Variants in IL1RAPL1 observed in about 807,000 individuals in gnomAD.
The protein encoded by IL1RAPL1 is interleukin-1 receptor accessory protein-like 1.
Under a neutral mutation model 48.4 loss-of-function variants are expected in IL1RAPL1, and 3 were observed. That is an observed-to-expected ratio of 0.06 (90% confidence interval 0.03 to 0.16). The LOEUF (loss-of-function observed/expected upper bound fraction) is 0.16, where lower values mean the gene tolerates loss of function less well. Among genes scored for constraint, IL1RAPL1 ranks in the 10% least tolerant of loss-of-function variants. IL1RAPL1 has a pLI of 1.00. For missense variants in IL1RAPL1, 349 were observed against 530.6 expected, an observed-to-expected ratio of 0.66 and a Z score of 3.36; for synonymous variants, 185 against 187.7, an observed-to-expected ratio of 0.99 and a Z score of 0.12.
At chrX:29,631,344 C>T (rs2147079546) in intron 5 of IL1RAPL1, among the ~76,000 whole-genome samples, 1 of 112,026 alleles carries the variant, frequency 8.9e-6, no homozygotes, top group African/African-American at 3.2e-5. Flanking sequence ...AATTAGGATT[C>T]ACTGCGGCCT....
chrX:29,437,312 G>T (rs1283097862), intron 5 of IL1RAPL1, among the ~76,000 whole-genome samples: 1 of 110,693 alleles, frequency 9.0e-6, no homozygotes, highest in Admixed American at 9.7e-5. Flanking sequence ...TCCAATATAT[G>T]TGAGCCTCTG....
rs4481781 is a variant in IL1RAPL1, at chrX:29,568,315, A to G, written c.704-100115A>G. 6.1e-3 allele frequency among the ~76,000 whole-genome samples: 519 copies of G among 85,191 alleles called. 65 individuals are homozygous for G. The highest frequency in any genetic ancestry group is 0.029 in the African/African-American group (448 of 15,670). 74.0% of individuals were successfully genotyped at this position (85,191 alleles called of 115,157 possible). ...GAATAACAGATTATTCTTGATTTAA[A>G]GATCAAGAATAACAGATTATTCATT... On this transcript the variant is annotated intron_variant, in intron 5 of 10. Transcript: ENST00000378993.
intron 2 of IL1RAPL1, among the ~76,000 whole-genome samples, chrX:29,078,296 CA>C (rs201738589): frequency 0.042 from 4,625 of 110,422 alleles, 98 homozygotes; most frequent in Middle Eastern, 0.074. Flanking sequence ...CAAAACAAAA[CA>C]AAAAAAACAA....
chrX:29,135,659 C>T (rs1929109881), intron 2 of IL1RAPL1, among the ~76,000 whole-genome samples: 1 of 112,033 alleles, frequency 8.9e-6, no homozygotes, highest in Non-Finnish European at 1.9e-5. Context: ...TTTTAAATAT[C>T]CTGCAGCAGC....
At chrX:29,204,131 C>G (rs1365168402) in intron 2 of IL1RAPL1, among the ~76,000 whole-genome samples, 1 of 111,552 alleles carries the variant, frequency 9.0e-6, no homozygotes, top group East Asian at 2.8e-4. Flanking sequence ...TTGATAGACA[C>G]TTAGGTAGAT....
intron 2 of IL1RAPL1, among the ~76,000 whole-genome samples, chrX:28,943,505 TGAG>T (rs1206250298): frequency 9.1e-6 from 1 of 109,907 alleles, no homozygotes; most frequent in African/African-American, 3.3e-5. Context: ...TATGCTGTGA[TGAG>T]GAGTAGGATG....
intron 2 of IL1RAPL1, among the ~76,000 whole-genome samples, chrX:28,966,376 C>T (rs951422210): frequency 1.8e-5 from 2 of 111,959 alleles, no homozygotes; most frequent in African/African-American, 6.5e-5. Context: ...ATTCAGATGT[C>T]ATCTACAACA....
chrX:29,590,739 T>C (rs765391396), intron 5 of IL1RAPL1, among the ~76,000 whole-genome samples: 2 of 111,684 alleles, frequency 1.8e-5, no homozygotes, highest in African/African-American at 6.5e-5. Flanking sequence ...TGGCTCCTTA[T>C]AGAAGTCACA....
chrX:28,660,086 G>GGTGTGTGTGTGTGTGTGTGT (rs60600833), intron 1 of IL1RAPL1, among the ~76,000 whole-genome samples: 13 of 76,446 alleles, frequency 1.7e-4, no homozygotes, highest in East Asian at 1.0e-3. Flanking sequence ...GAGTGAGGAT[G>GGTGTGTGTGTGTGTGTGTGT]GTGTGTGTGT....
At chrX:29,803,511 A>ACATC (rs1930162864) in intron 6 of IL1RAPL1, among the ~76,000 whole-genome samples, 2 of 96,140 alleles carry the variant, frequency 2.1e-5, no homozygotes, top group Non-Finnish European at 4.1e-5. Context: ...ATATGTGTAT[A>ACATC]TATGTATATA....
At chrX:29,020,682 C>T (rs1370362917) in intron 2 of IL1RAPL1, among the ~76,000 whole-genome samples, 2 of 111,214 alleles carry the variant, frequency 1.8e-5, no homozygotes, top group African/African-American at 3.3e-5. Context: ...GATGAGAAGG[C>T]GATGGGTATG....
At chrX:29,319,565 T>TCTATCTAG (rs1232381683) in intron 3 of IL1RAPL1, among the ~76,000 whole-genome samples, 9 of 106,295 alleles carry the variant, frequency 8.5e-5, no homozygotes, top group African/African-American at 3.1e-4. Context: ...TATGTATCTA[T>TCTATCTAG]CTATCTATCT....
At chrX:29,408,419 C>T (rs1025209285) in intron 5 of IL1RAPL1, among the ~76,000 whole-genome samples, 1 of 111,060 alleles carries the variant, frequency 9.0e-6, no homozygotes, top group African/African-American at 3.3e-5. Flanking sequence ...GGAAATGAGT[C>T]AGACCAGTTG....
chrX:29,091,266 A>G (rs1928084144), intron 2 of IL1RAPL1, among the ~76,000 whole-genome samples: 1 of 112,180 alleles, frequency 8.9e-6, no homozygotes, highest in Non-Finnish European at 1.9e-5. Flanking sequence ...TTGCCTTATC[A>G]TCATACTGAT....
At chrX:29,430,381 C>T (rs1201000755) in intron 5 of IL1RAPL1, among the ~76,000 whole-genome samples, 1 of 110,927 alleles carries the variant, frequency 9.0e-6, no homozygotes, top group East Asian at 2.8e-4. Flanking sequence ...ATGGACAGGC[C>T]TCTTCTCCAT....
intron 6 of IL1RAPL1, among the ~76,000 whole-genome samples, chrX:29,906,105 GGC>G (rs1932609050): frequency 9.1e-6 from 1 of 109,380 alleles, no homozygotes; most frequent in Non-Finnish European, 1.9e-5. Context: ...GGGAGGCCGA[GGC>G]AGGTGGATCA....
intron 2 of IL1RAPL1, among the ~76,000 whole-genome samples, chrX:29,102,811 G>A (rs1042246786): frequency 4.5e-5 from 5 of 110,895 alleles, no homozygotes; most frequent in African/African-American, 9.8e-5. Flanking sequence ...TACAAAAATC[G>A]GTAGCATTTC....
intron 5 of IL1RAPL1, among the ~76,000 whole-genome samples, chrX:29,626,534 C>A (rs1005601340): frequency 1.8e-5 from 2 of 112,200 alleles, no homozygotes; most frequent in Admixed American, 1.9e-4. Flanking sequence ...AAAATATTCA[C>A]CCACTGAAAC....
intron 3 of IL1RAPL1, among the ~76,000 whole-genome samples, chrX:29,334,495 C>T (rs1932948248): frequency 8.9e-6 from 1 of 112,772 alleles, no homozygotes; most frequent in East Asian, 2.9e-4. Context: ...GGCTGCCGGG[C>T]GGAGACGCTC....
Sources: gnomAD v4.1 joint callset for allele counts (sites outside exome capture counted in the v4.1 genomes callset) on GRCh38, gnomAD v4.1.1 for gene constraint, MANE v1.5 for transcripts, NCBI Gene and HGNC (gene_info 2026-07-23, HGNC 2026-07-21) for gene names.